ZFHX3: variants seen among roughly 807,000 people sequenced by gnomAD.
ZFHX3 encodes zinc finger homeobox 3.
In ZFHX3, 42 loss-of-function variants were observed where a neutral mutation model predicts 279.1. That is an observed-to-expected ratio of 0.15 (90% CI 0.12 to 0.19). ZFHX3 has a LOEUF of 0.19. ZFHX3 is among the 10% of genes least tolerant of loss of function. ZFHX3 has a pLI of 1.00. For missense variants in ZFHX3, 4,981 were observed against 4,754.0 expected (o/e 1.05, Z -1.40); for synonymous variants, 2,293 against 1,957.8 (o/e 1.17, Z -4.52).
Position 73,779,355 on chromosome 16 carries a change from G to T in ZFHX3, c.-1607-99115C>A, listed in dbSNP as rs75052399. ...TTAATTTTTAAGTTAGTGATGAAAAGAATTCATCTGAGAAAAAGACAACAA... is the reference window on the plus strand; with the variant it reads ...TTAATTTTTAAGTTAGTGATGAAAATAATTCATCTGAGAAAAAGACAACAA... On this transcript the variant is annotated intron_variant, in intron 1 of 17. Coordinates refer to the ZFHX3 transcript ENST00000641206. Among the ~76,000 whole-genome samples, 393 of 152,232 alleles carry T rather than the reference G, an allele frequency of 2.6e-3. 4 individuals are homozygous for T. Among genetic ancestry groups the T allele is most frequent in the African/African-American group, 9.3e-3 (386 of 41,510 alleles).
At chr16:72,824,651 C>T (rs182188519) in intron 5 of ZFHX3, among the ~76,000 whole-genome samples, 3 of 152,122 alleles carry the variant, frequency 2.0e-5, no homozygotes, top group Non-Finnish European at 4.4e-5. Context: ...GAAACCATGA[C>T]GACTACAGGA....
chr16:73,288,017 C>T (rs767986232), intron 4 of ZFHX3, among the ~76,000 whole-genome samples: 28 of 152,220 alleles, frequency 1.8e-4, no homozygotes, highest in South Asian at 4.2e-4. Context: ...TAGAGAGCGT[C>T]CCCAGCATCT....
intron 1 of ZFHX3, among the ~76,000 whole-genome samples, chr16:73,033,668 T>C (rs1216728988): frequency 6.6e-6 from 1 of 152,154 alleles, no homozygotes; most frequent in Non-Finnish European, 1.5e-5. Flanking sequence ...GTTTTTTTCC[T>C]GCCTGCCAGG....
chr16:73,724,279 T>C (rs964885390), intron 1 of ZFHX3, among the ~76,000 whole-genome samples: 14 of 152,250 alleles, frequency 9.2e-5, no homozygotes, highest in Non-Finnish European at 2.1e-4. Context: ...TCAGCAATTC[T>C]AATTTGGAGA....
intron 3 of ZFHX3, among the ~76,000 whole-genome samples, chr16:73,435,968 G>A (rs2017990484): frequency 6.6e-6 from 1 of 152,220 alleles, no homozygotes; most frequent in Admixed American, 6.5e-5. Context: ...GTGCACTAGG[G>A]ATGGCTGCTG....
intron 5 of ZFHX3, among the ~76,000 whole-genome samples, chr16:72,826,822 G>A (rs1490994983): frequency 3.3e-5 from 5 of 152,184 alleles, no homozygotes; most frequent in African/African-American, 7.2e-5. Flanking sequence ...ATGAATGCAT[G>A]AGAAAGTGGA....
intron 4 of ZFHX3, among the ~76,000 whole-genome samples, chr16:72,872,513 AGTGGG>A (rs1347898911): frequency 6.6e-6 from 1 of 152,172 alleles, no homozygotes; most frequent in East Asian, 1.9e-4. Flanking sequence ...GCTGGAGCAC[AGTGGG>A]GTGATCTTGG....
At chr16:72,914,904 T>C (rs957586446) in intron 3 of ZFHX3, among the ~76,000 whole-genome samples, 5 of 152,056 alleles carry the variant, frequency 3.3e-5, no homozygotes, top group African/African-American at 1.2e-4. Flanking sequence ...GGCAGGAGAA[T>C]TGCTTGAATC....
chr16:73,226,596 T>C (rs532430534), intron 5 of ZFHX3, among the ~76,000 whole-genome samples: 4 of 152,248 alleles, frequency 2.6e-5, no homozygotes, highest in Non-Finnish European at 5.9e-5. Flanking sequence ...AGAGCGTGTA[T>C]TGTAGCCACC....
intron 2 of ZFHX3, among the ~76,000 whole-genome samples, chr16:73,605,047 C>T (rs1170795589): frequency 6.6e-6 from 1 of 152,160 alleles, no homozygotes; most frequent in African/African-American, 2.4e-5. Flanking sequence ...GCTCTGATTG[C>T]CCAACAAGAC....
In ZFHX3 at chr16:72,793,175, G is replaced by A. The variant is rs2035771022; in HGVS notation, c.9427+80C>T. 6.6e-7 allele frequency: 1 copy of A among 1,522,328 alleles called. No homozygotes were observed. The allele number at this position is 1,522,328 out of a possible 1,614,324, so 94.3% of individuals were successfully genotyped here. ...CTTCCCATCTGCCCAGCACTCAGAG[G>A]GTTTGGGTGGTATCCACATAACAGA... On this transcript the variant is annotated intron_variant, in intron 9 of 9. Coordinates refer to ENST00000268489, the MANE Select transcript of ZFHX3 (RefSeq NM_006885.4). This position sits in a 1 kb window ranked among gnomAD's most constrained non-coding sequence, Gnocchi z 4.3.
chr16:73,652,017 C>A, intron 2 of ZFHX3, among the ~76,000 whole-genome samples: 1 of 152,118 alleles, frequency 6.6e-6, no homozygotes, highest in African/African-American at 2.4e-5. Context: ...GTGTTTTAAA[C>A]CCTCTACACA....
rs543830304 is a variant in ZFHX3 at position 73,467,235 on chromosome 16, T to C, written c.-1546-10977A>G. On this transcript the variant is annotated intron_variant, in intron 2 of 17. Coordinates refer to the ZFHX3 transcript ENST00000641206. ...ACGTAGAGAACAGCCTTGGAGCATC[T>C]TGAAGAGGAGAGAGAATGGAAGCAA... is the stretch of plus-strand genomic sequence containing the variant. Among the ~76,000 whole-genome samples the C allele has an allele frequency of 4.6e-5, 7 of 152,344 alleles. No individual in the cohort carries two copies. The South Asian group carries it at 1.4e-3, about 32-fold the overall frequency.
chr16:73,436,009 A>T (rs1478527652), intron 3 of ZFHX3, among the ~76,000 whole-genome samples: 1 of 152,218 alleles, frequency 6.6e-6, no homozygotes, highest in Non-Finnish European at 1.5e-5. Context: ...GCTGATAAAG[A>T]CACACCTGAG....
upstream of ZFHX3, among the ~76,000 whole-genome samples, chr16:73,049,069 A>G (rs1965401663): frequency 2.6e-5 from 4 of 152,006 alleles, no homozygotes; most frequent in South Asian, 4.1e-4. Context: ...GCGCCTTTCT[A>G]TCTCCCCAAG....
At chr16:73,624,927 C>T (rs902464677) in intron 2 of ZFHX3, among the ~76,000 whole-genome samples, 12 of 152,152 alleles carry the variant, frequency 7.9e-5, no homozygotes, top group African/African-American at 2.9e-4. Context: ...TAGTAATGAA[C>T]GCTAATGGAC....
chr16:72,915,004 AAAC>A (rs1374678032), intron 3 of ZFHX3, among the ~76,000 whole-genome samples: 4 of 152,176 alleles, frequency 2.6e-5, no homozygotes, highest in Non-Finnish European at 4.4e-5. Context: ...GCAAACAAAC[AAAC>A]AACAACAACA....
chr16:73,786,463 T>C (rs1433674031), intron 1 of ZFHX3, among the ~76,000 whole-genome samples: 1 of 152,182 alleles, frequency 6.6e-6, no homozygotes, highest in Non-Finnish European at 1.5e-5. Context: ...GGAAGGGACC[T>C]GGTTGTTTCT....
intron 1 of ZFHX3, among the ~76,000 whole-genome samples, chr16:73,752,010 G>A (rs565108766): frequency 3.1e-4 from 47 of 152,256 alleles, no homozygotes; most frequent in African/African-American, 1.1e-3. Context: ...CTAAGACAAG[G>A]GGAACAATGT....
Sources: gnomAD v4.1 joint callset for allele counts (sites outside exome capture counted in the v4.1 genomes callset) on GRCh38, gnomAD v4.1.1 for gene constraint, Gnocchi (gnomAD v3.1) non-coding constraint, MANE v1.5 for transcripts, NCBI Gene and HGNC (gene_info 2026-07-23, HGNC 2026-07-21) for gene names.